The following INSL6 variants were observed in gnomAD, a reference collection of about 807,000 sequenced individuals.
The protein encoded by INSL6 is insulin-like peptide INSL6.
A neutral mutation model predicts 9.4 loss-of-function variants in INSL6; 16 were observed. That is an observed-to-expected ratio of 1.70 (90% CI 1.15 to 2.59). The LOEUF (loss-of-function observed/expected upper bound fraction) is 2.59. Ranked by LOEUF, INSL6 falls within the 30% of genes most tolerant of loss-of-function variation. The pLI, the probability that INSL6 is intolerant of heterozygous loss-of-function variation, is 0.00. For synonymous variants in INSL6, 154 were observed against 96.9 expected (o/e 1.59, Z -3.46); for missense variants, 391 against 257.3 (o/e 1.52, Z -3.56).
At chr9:5,050,021 A>G in the INSL6 span, among the ~76,000 whole-genome samples, 1 of 152,222 alleles carries the variant, frequency 6.6e-6, no homozygotes, top group Admixed American at 6.5e-5. Context: ...TATGGGGCAC[A>G]TGGCTATTTC....
chr9:5,022,410 C>G, the INSL6 span, among the ~76,000 whole-genome samples: 2 of 151,904 alleles, frequency 1.3e-5, no homozygotes, highest in Non-Finnish European at 1.5e-5. Flanking sequence ...GGCTAGGTAT[C>G]AAAACAAATT....
intron 2 of INSL6, among the ~76,000 whole-genome samples, chr9:5,157,313 A>G (rs567481258): frequency 1.3e-5 from 2 of 152,282 alleles, no homozygotes; most frequent in African/African-American, 4.8e-5. Context: ...AAAGAACAAA[A>G]TGGTTGGAGA....
the INSL6 span, among the ~76,000 whole-genome samples, chr9:5,065,958 T>G: frequency 6.6e-6 from 1 of 152,316 alleles, no homozygotes; most frequent in Non-Finnish European, 1.5e-5. Flanking sequence ...TACTTGAACT[T>G]TATGTCTGTA....
the INSL6 span, among the ~76,000 whole-genome samples, chr9:5,024,060 T>C: frequency 4.6e-5 from 7 of 152,104 alleles, no homozygotes; most frequent in Non-Finnish European, 1.0e-4. Flanking sequence ...ATCGAGATCA[T>C]CCTGGCTAAT....
At chr9:5,021,890 C>A in the INSL6 span, 1 of 850,572 alleles carries the variant, frequency 1.2e-6, no homozygotes, top group Non-Finnish European at 1.8e-6. Context: ...GCCTCGGCCC[C>A]GCAAAGTGCT....
exon 4 of INSL6, among the ~76,000 whole-genome samples, chr9:5,123,892 T>TC (rs1486329560): frequency 6.7e-6 from 1 of 150,038 alleles, no homozygotes; most frequent in Non-Finnish European, 1.5e-5. Context: ...TTTTCTCTTT[T>TC]TTTTTTTTGT....
At chr9:5,130,707 T>A (rs1057296944) in intron 3 of INSL6, among the ~76,000 whole-genome samples, 2 of 148,122 alleles carry the variant, frequency 1.4e-5, no homozygotes, top group Non-Finnish European at 3.0e-5. Flanking sequence ...TTTTCTTTTT[T>A]TTATTTTTTT....
chr9:5,050,690 G>T, the INSL6 span: 3 of 1,611,276 alleles, frequency 1.9e-6, no homozygotes, highest in Non-Finnish European at 2.5e-6. Context: ...TTTTAGTGGC[G>T]GCATGATTTT....
At chr9:5,114,497 G>A in the INSL6 span, 1 of 470,592 alleles carries the variant, frequency 2.1e-6, no homozygotes, top group Non-Finnish European at 4.2e-6. Context: ...CTCCCCCACA[G>A]GTCTACGTGT....
chr9:5,164,085 G>T lies in INSL6; in HGVS notation c.470C>A (p.Thr157Asn). 2 of 1,613,208 alleles carry T rather than the reference G, an allele frequency of 1.2e-6. No homozygotes were observed. The highest frequency in any genetic ancestry group is 1.7e-6 in the Non-Finnish European group (2 of 1,179,726). Reference sequence around the variant, plus strand: ...ATGCCCCCAAAACAAATTGCTTAAGGTTTTAATTTTGTTTCTACGTTTCTT... The same window carrying T: ...ATGCCCCCAAAACAAATTGCTTAAGTTTTTAATTTTGTTTCTACGTTTCTT... ...FQKKRRNKIK[T>N]LSNLFWGHHP... The change falls in exon 2 of 2, where the codon ACC becomes AAC. Residue 157 changes from threonine to asparagine, a missense_variant. Coordinates refer to ENST00000381641, the MANE Select transcript of INSL6 (RefSeq NM_007179.3).
downstream of INSL6, chr9:5,123,073 T>C: frequency 1.2e-6 from 2 of 1,611,934 alleles, no homozygotes; most frequent in Non-Finnish European, 1.7e-6. Context: ...TTGGAGTGGT[T>C]CTGTATGAAC....
At chr9:5,119,003 AAACT>A (rs1419707980), downstream of INSL6, among the ~76,000 whole-genome samples, 1 of 152,202 alleles carries the variant, frequency 6.6e-6, no homozygotes, top group African/African-American at 2.4e-5. Context: ...TACCTTGTTT[AAACT>A]AATACATTCA....
At chr9:5,042,298 C>A in the INSL6 span, among the ~76,000 whole-genome samples, 1 of 151,546 alleles carries the variant, frequency 6.6e-6, no homozygotes, top group East Asian at 1.9e-4. Flanking sequence ...CCACCGCGCC[C>A]GGCTAATTTT....
At chr9:5,067,705 A>G in the INSL6 span, among the ~76,000 whole-genome samples, 1 of 152,076 alleles carries the variant, frequency 6.6e-6, no homozygotes, top group South Asian at 2.1e-4. Flanking sequence ...CTAATATGAG[A>G]GCTATGTATT....
At chr9:5,110,933 T>A in the INSL6 span, 1 of 579,414 alleles carries the variant, frequency 1.7e-6, no homozygotes. Flanking sequence ...CCGCAGAGGA[T>A]GGCATCCGTG....
chr9:5,120,969 A>G (rs951853826), downstream of INSL6, among the ~76,000 whole-genome samples: 2 of 152,178 alleles, frequency 1.3e-5, no homozygotes, highest in Admixed American at 1.3e-4. Context: ...GCACTAAACA[A>G]AGGTCAAAGA....
chr9:5,163,714 C>T (rs908054213), downstream of INSL6: 9 of 529,754 alleles, frequency 1.7e-5, no homozygotes, highest in East Asian at 3.2e-5. Flanking sequence ...CTTCAAAAAG[C>T]GTATGAAAAC....
At chr9:5,126,429 G>C in intron 3 of INSL6, 2 of 1,607,138 alleles carry the variant, frequency 1.2e-6, no homozygotes, top group Non-Finnish European at 1.7e-6. Flanking sequence ...ACCAAGACCA[G>C]ATGGATGCCC....
At chr9:5,114,284 G>C in the INSL6 span, 1 of 543,254 alleles carries the variant, frequency 1.8e-6, no homozygotes, top group Non-Finnish European at 3.6e-6. Context: ...CCAGCAAGGA[G>C]AACGTGAAGC....
Sources: gnomAD v4.1 joint callset for allele counts (sites outside exome capture counted in the v4.1 genomes callset) on GRCh38, gnomAD v4.1.1 for gene constraint, MANE v1.5 for transcripts, NCBI Gene and HGNC (gene_info 2026-07-23, HGNC 2026-07-21) for gene names.